ALG13: variants seen among roughly 807,000 people sequenced by gnomAD.
The protein encoded by ALG13 is UDP-N-acetylglucosamine transferase subunit ALG13.
A neutral mutation model predicts 87.8 loss-of-function variants in ALG13; 11 were observed. The observed-to-expected ratio is 0.13, with a 90% confidence interval of 0.08 to 0.21. The LOEUF is 0.21. ALG13 is among the 10% of genes least tolerant of loss of function. The pLI is 1.00. For synonymous variants in ALG13, 320 were observed against 306.3 expected (o/e 1.04, Z -0.47); for missense variants, 756 against 866.1 (o/e 0.87, Z 1.60).
chrX:111,681,976 G>A (rs1407623436), intron 1 of ALG13, 156 bp from the exon 2 acceptor site: 15 of 854,187 alleles, frequency 1.8e-5, no homozygotes, highest in Non-Finnish European at 2.2e-5. Flanking sequence ...CCCCGGACCA[G>A]AAAATAGTTT....
chrX:111,706,186 C>T (rs988026804), intron 3 of ALG13, among the ~76,000 whole-genome samples: 15 of 110,821 alleles, frequency 1.4e-4, no homozygotes, highest in South Asian at 1.2e-3. Context: ...CCCACCACCA[C>T]GCCCAGCTAA....
chrX:111,734,512 C>A, intron 21 of ALG13: 1 of 114,242 alleles, frequency 8.8e-6, no homozygotes, highest in Non-Finnish European at 1.9e-5. Flanking sequence ...CCAATCTCTG[C>A]TGGTAGAGTT....
chrX:111,734,710 A>G (rs1227989538), intron 21 of ALG13, among the ~76,000 whole-genome samples: 1 of 112,089 alleles, frequency 8.9e-6, no homozygotes, highest in Non-Finnish European at 1.9e-5. Flanking sequence ...ATTCAGATAG[A>G]ATGCCTTTTT....
chrX:111,681,653 C>G (rs1053977103), intron 1 of ALG13: 16 of 901,988 alleles, frequency 1.8e-5, no homozygotes, highest in East Asian at 6.9e-5. Context: ...CCACCGGGCT[C>G]GGCAGTTTTT....
chrX:111,712,884 G>T (rs185603199), intron 7 of ALG13, among the ~76,000 whole-genome samples: 1 of 110,650 alleles, frequency 9.0e-6, no homozygotes, highest in African/African-American at 3.3e-5. Flanking sequence ...CTAGCCTTTT[G>T]CCAAAAAAAT....
rs112837367 is a variant in ALG13 at position 111,723,888 on chromosome X, T to C, written c.1591T>C (p.Leu531=). The C allele has an allele frequency of 2.0e-4, 233 of 1,141,864 alleles. 1 individual carries two copies. In the African/African-American group the frequency reaches 2.8e-3, roughly 14 times the overall value. The allele number at this position is 1,141,864 out of a possible 1,213,427, so 94.1% of individuals were successfully genotyped here. ...NNSVTVFIEE[L]AEKHVVPLAN... Reference sequence around the variant, plus strand: ...TTCAGTAACAGTCTTCATTGAAGAATTGGCGGAAAAGTAGGAATATGATAA... The same window carrying C: ...TTCAGTAACAGTCTTCATTGAAGAACTGGCGGAAAAGTAGGAATATGATAA... Residue 531 remains leucine (L), a synonymous_variant, in exon 14 of 27, where the codon TTG becomes CTG. Transcript: ENST00000394780.
At chrX:111,719,701 G>A (rs1045659368) in intron 10 of ALG13, among the ~76,000 whole-genome samples, 2 of 111,676 alleles carry the variant, frequency 1.8e-5, no homozygotes, top group East Asian at 2.8e-4. Flanking sequence ...CAGTTCCTTC[G>A]AGCTATAGGA....
chrX:111,681,327 G>A (rs1228951221), intron 1 of ALG13, 28 bp downstream of exon 1: 3 of 1,208,394 alleles, frequency 2.5e-6, no homozygotes. Context: ...GCAGGCGGCG[G>A]CTTGGCTCGC....
chrX:111,738,190 A>C (rs768095107), intron 23 of ALG13, among the ~76,000 whole-genome samples: 6 of 112,602 alleles, frequency 5.3e-5, no homozygotes, highest in African/African-American at 1.6e-4. Flanking sequence ...CTGAGGTGAT[A>C]GAACTCAGGA....
chrX:111,757,795 A>G, intron 26 of ALG13, 33 bp downstream of exon 26: 4 of 1,171,534 alleles, frequency 3.4e-6, no homozygotes, highest in Non-Finnish European at 4.6e-6. Context: ...AGCAAGAAAG[A>G]CAGTTGGATT....
rs1179620766 is a variant in ALG13, at chrX:111,727,139, A to G, written c.1976+84A>G. On this transcript the variant is annotated intron_variant, in intron 16 of 26. Coordinates refer to ENST00000394780, the MANE Select transcript of ALG13 (RefSeq NM_001099922.3). Reference sequence around the variant, plus strand: ...GATCCAAGAAGATAGAATGCCATCAAGATGAGGGTCTCTGTGACATACAGA... The same window carrying G: ...GATCCAAGAAGATAGAATGCCATCAGGATGAGGGTCTCTGTGACATACAGA... 4.6e-6 allele frequency: 5 copies of G among 1,091,299 alleles called. No individual in the cohort carries two copies. In the Admixed American group the frequency reaches 9.1e-5, roughly 20 times the overall value. The allele number at this position is 1,091,299 out of a possible 1,213,427, so 89.9% of individuals were successfully genotyped here.
chrX:111,710,179 C>T (rs181371009), intron 5 of ALG13, among the ~76,000 whole-genome samples: 94 of 110,024 alleles, frequency 8.5e-4, no homozygotes, highest in African/African-American at 2.9e-3. Context: ...TACAGGCACA[C>T]GCCACCTCAC....
At chrX:111,713,971 A>G (rs138467304) in intron 8 of ALG13, among the ~76,000 whole-genome samples, 211 of 112,000 alleles carry the variant, frequency 1.9e-3, no homozygotes, top group East Asian at 5.9e-3. Flanking sequence ...AGACTACACA[A>G]TGTTTGAGTT....
At position 111,726,922 on chromosome X, in the gene ALG13, C is replaced by T. The variant is rs374231091; in HGVS notation, c.1843C>T (p.Leu615=). The change falls in exon 16 of 27, where the codon CTG becomes TTG. Residue 615 remains leucine, a synonymous_variant. Transcript: ENST00000394780. ...GGGAGACCCCCTCCTCCCACCCAGG[C>T]TGCAGCACAGTATGCATTATGGGCA... ...GKGDPLLPPR[L]QHSMHYGHDP... 1.1e-4 allele frequency: 130 copies of T among 1,209,823 alleles called. 1 individual carries two copies. In the African/African-American group the frequency reaches 1.9e-3, roughly 18 times the overall value.
intron 15 of ALG13, among the ~76,000 whole-genome samples, chrX:111,725,710 C>T (rs1056445334): frequency 9.0e-6 from 1 of 111,233 alleles, no homozygotes; most frequent in Non-Finnish European, 1.9e-5. Flanking sequence ...CAAAATAGTG[C>T]ATGTACCCCA....
At chrX:111,748,632 A>G (rs1944448857) in intron 24 of ALG13, among the ~76,000 whole-genome samples, 2 of 111,982 alleles carry the variant, frequency 1.8e-5, no homozygotes, top group South Asian at 7.4e-4. Flanking sequence ...CGTTCTCTGC[A>G]TATTCTCTAT....
chrX:111,689,321 T>TA, intron 3 of ALG13: 1 of 753,475 alleles, frequency 1.3e-6, no homozygotes, highest in Non-Finnish European at 1.6e-6. Flanking sequence ...CCCTCATAAA[T>TA]ACGTTTTTCT....
At chrX:111,696,469 CTAA>C (rs1391869249) in intron 3 of ALG13, among the ~76,000 whole-genome samples, 10 of 111,620 alleles carry the variant, frequency 9.0e-5, no homozygotes, top group Non-Finnish European at 1.3e-4. Context: ...CTCTCAGAAA[CTAA>C]TAACTCATAG....
intron 3 of ALG13, among the ~76,000 whole-genome samples, chrX:111,700,935 G>C (rs1288062006): frequency 1.8e-5 from 2 of 109,414 alleles, no homozygotes; most frequent in Admixed American, 9.8e-5. Flanking sequence ...AAGGGGTGTT[G>C]AATCTTGTCA....
Sources: gnomAD v4.1 joint callset for allele counts (sites outside exome capture counted in the v4.1 genomes callset) on GRCh38, gnomAD v4.1.1 for gene constraint, MANE v1.5 for transcripts, NCBI Gene and HGNC (gene_info 2026-07-23, HGNC 2026-07-21) for gene names.